Variants in ATE1 observed in about 807,000 individuals in gnomAD.
ATE1 encodes arginyltransferase 1.
ATE1 carries 36 observed loss-of-function variants against 70.5 expected under a neutral mutation model. The ratio of observed to expected loss-of-function variants is 0.51; its 90% CI spans 0.39 to 0.67. The LOEUF is 0.67. ATE1 is among the 30% of genes least tolerant of loss of function. The pLI is 0.00. For missense variants in ATE1, 593 were observed against 629.5 expected, an observed-to-expected ratio of 0.94 and a Z score of 0.62; for synonymous variants, 232 against 219.3, an observed-to-expected ratio of 1.06 and a Z score of -0.51.
rs552097334 is a variant in ATE1 at position 121,777,601 on chromosome 10, C to G, written c.1378+12568G>C. 7.7e-4 allele frequency among the ~76,000 whole-genome samples: 117 copies of G among 152,286 alleles called. 1 individual carries two copies. The highest frequency in any genetic ancestry group is 2.7e-3 in the African/African-American group (112 of 41,544). On this transcript the variant is annotated intron_variant, in intron 11 of 11. Coordinates refer to ENST00000224652, the MANE Select transcript of ATE1 (RefSeq NM_001001976.3). ...GGGGACACCTGGTCATGTACAAATACAAGTGATTTTTTGTATATTAACTTT... is the reference window on the plus strand; with the variant it reads ...GGGGACACCTGGTCATGTACAAATAGAAGTGATTTTTTGTATATTAACTTT...
chr10:121,761,083 C>G (rs1308484551), intron 11 of ATE1, among the ~76,000 whole-genome samples: 7 of 152,160 alleles, frequency 4.6e-5, no homozygotes. Context: ...TGCCACCTTC[C>G]TCTCCTCTCT....
intron 7 of ATE1, among the ~76,000 whole-genome samples, chr10:121,894,888 G>C (rs1300677409): frequency 1.3e-5 from 2 of 151,898 alleles, no homozygotes; most frequent in Non-Finnish European, 2.9e-5. Context: ...GCGACAGAGT[G>C]AGACTCTGTC....
intron 11 of ATE1, among the ~76,000 whole-genome samples, chr10:121,759,294 G>A (rs1025075356): frequency 2.0e-4 from 30 of 152,190 alleles, no homozygotes; most frequent in Admixed American, 5.9e-4. Flanking sequence ...TTAACTCAAT[G>A]CCTAATTCAG....
intron 5 of ATE1, among the ~76,000 whole-genome samples, chr10:121,904,510 G>A (rs1023289806): frequency 1.7e-4 from 26 of 150,840 alleles, no homozygotes; most frequent in South Asian, 4.2e-4. Context: ...GCATGGTGGC[G>A]CACGCCTGTA....
intron 7 of ATE1, among the ~76,000 whole-genome samples, chr10:121,876,865 C>T (rs1950069073): frequency 6.6e-6 from 1 of 151,552 alleles, no homozygotes; most frequent in South Asian, 2.1e-4. Context: ...ACTCGGGAGG[C>T]TGAGGCAGGA....
chr10:121,805,541 A>G (rs1239614950), intron 10 of ATE1, among the ~76,000 whole-genome samples: 1 of 152,248 alleles, frequency 6.6e-6, no homozygotes, highest in Non-Finnish European at 1.5e-5. Flanking sequence ...CATAAAATCA[A>G]GATTTGAACG....
At chr10:121,765,117 G>A (rs1315456498) in intron 11 of ATE1, among the ~76,000 whole-genome samples, 1 of 152,184 alleles carries the variant, frequency 6.6e-6, no homozygotes, top group African/African-American at 2.4e-5. Flanking sequence ...GAACAGGGAG[G>A]TCGCTGGCAG....
At chr10:121,868,135 G>A (rs1248382874) in intron 8 of ATE1, among the ~76,000 whole-genome samples, 2 of 151,708 alleles carry the variant, frequency 1.3e-5, no homozygotes, top group Non-Finnish European at 2.9e-5. Flanking sequence ...ATCTTGATAG[G>A]TTAAAAAAAA....
At chr10:121,773,853 C>T (rs1590259366) in intron 11 of ATE1, among the ~76,000 whole-genome samples, 1 of 152,240 alleles carries the variant, frequency 6.6e-6, no homozygotes, top group East Asian at 1.9e-4. Context: ...TGCATACTCC[C>T]TTCTTCTTGA....
chr10:121,903,442 T>C (rs923825269), intron 5 of ATE1, among the ~76,000 whole-genome samples: 51 of 150,350 alleles, frequency 3.4e-4, no homozygotes, highest in African/African-American at 1.2e-3. Flanking sequence ...ATTCTAGCAC[T>C]TTGGGGGGCT....
intron 10 of ATE1, among the ~76,000 whole-genome samples, chr10:121,814,283 G>A (rs1382821682): frequency 6.6e-6 from 1 of 152,186 alleles, no homozygotes; most frequent in Non-Finnish European, 1.5e-5. Flanking sequence ...CAGACAGGAA[G>A]GGATCAGGAA....
At chr10:121,906,290 G>A (rs1282919210) in intron 5 of ATE1, among the ~76,000 whole-genome samples, 3 of 152,078 alleles carry the variant, frequency 2.0e-5, no homozygotes, top group Non-Finnish European at 2.9e-5. Flanking sequence ...CACTTTGGGA[G>A]GCTGAGGCAG....
chr10:121,793,847 A>G (rs1946549997), intron 10 of ATE1, among the ~76,000 whole-genome samples: 1 of 152,304 alleles, frequency 6.6e-6, no homozygotes, highest in South Asian at 2.1e-4. Context: ...ATTTTTAAAA[A>G]TGGGCTCTGG....
intron 11 of ATE1, among the ~76,000 whole-genome samples, chr10:121,758,700 G>A (rs1190750927): frequency 6.6e-6 from 1 of 152,056 alleles, no homozygotes; most frequent in East Asian, 1.9e-4. Flanking sequence ...ATTGAGAATA[G>A]GTGCCATTTT....
chr10:121,823,200 G>A (rs1278807446), intron 10 of ATE1, among the ~76,000 whole-genome samples: 12 of 152,142 alleles, frequency 7.9e-5, no homozygotes, highest in African/African-American at 2.4e-5. Flanking sequence ...TGAGGCAGGA[G>A]AATGACATGA....
In ATE1 at chr10:121,911,244, G is replaced by T. The variant is rs17631200; in HGVS notation, c.338-93C>A. The T allele has an allele frequency of 8.3e-3, 11,899 of 1,436,180 alleles. 80 individuals are homozygous for T. The highest frequency in any genetic ancestry group is 9.2e-3 in the Non-Finnish European group (9,721 of 1,059,272). The allele number at this position is 1,436,180 out of a possible 1,614,324, so 89.0% of individuals were successfully genotyped here. A position where few individuals can be genotyped will look rare whatever the true frequency, so the allele number is the denominator to read the frequency against. Reference sequence around the variant, plus strand: ...TACAATGTTCCTATTATCCATTGTGGCAGAATTACTATCTGTCCACCAAAT... The same window carrying T: ...TACAATGTTCCTATTATCCATTGTGTCAGAATTACTATCTGTCCACCAAAT... On this transcript the variant is annotated intron_variant, in intron 4 of 11. Coordinates refer to ENST00000224652, the MANE Select transcript of ATE1 (RefSeq NM_001001976.3).
chr10:121,754,936 T>C (rs1283104123), intron 11 of ATE1, among the ~76,000 whole-genome samples: 1 of 152,188 alleles, frequency 6.6e-6, no homozygotes, highest in Non-Finnish European at 1.5e-5. Context: ...CTATGTGACC[T>C]GAATCTAATT....
At chr10:121,923,252 T>G (rs1951952342) in intron 2 of ATE1, among the ~76,000 whole-genome samples, 1 of 152,182 alleles carries the variant, frequency 6.6e-6, no homozygotes, top group Non-Finnish European at 1.5e-5. Flanking sequence ...GGAAGAACAC[T>G]TGCAACCAGA....
At chr10:121,746,039 G>A (rs551868637) in intron 11 of ATE1, among the ~76,000 whole-genome samples, 13 of 152,216 alleles carry the variant, frequency 8.5e-5, no homozygotes, top group South Asian at 8.3e-4. Context: ...TTAATAGAAC[G>A]TATTGCTAAC....
Sources: allele counts gnomAD v4.1 joint callset (sites outside exome capture counted in the v4.1 genomes callset), GRCh38; gene constraint gnomAD v4.1.1; transcripts MANE v1.5; gene names NCBI Gene and HGNC (gene_info 2026-07-23, HGNC 2026-07-21).